The following RBL1 variants were observed in gnomAD, a reference collection of about 807,000 sequenced individuals.
RBL1 encodes the protein RB transcriptional corepressor like 1.
A neutral mutation model predicts 123.0 loss-of-function variants in RBL1; 82 were observed. That is an observed-to-expected ratio of 0.67 (90% CI 0.56 to 0.80). The LOEUF is 0.80. RBL1 is among the 30% of genes least tolerant of loss of function. The pLI, the probability that RBL1 is intolerant of heterozygous loss-of-function variation, is 0.00. For synonymous variants in RBL1, 405 were observed against 441.3 expected (o/e 0.92, Z 1.03); for missense variants, 1,171 against 1,299.6 (o/e 0.90, Z 1.52).
At chr20:37,016,717 AG>A (rs1370535533) in intron 19 of RBL1, among the ~76,000 whole-genome samples, 1 of 151,982 alleles carries the variant, frequency 6.6e-6, no homozygotes, top group Non-Finnish European at 1.5e-5. Context: ...GCTTGAGCCC[AG>A]GAGTTGGAGA....
intron 11 of RBL1, among the ~76,000 whole-genome samples, chr20:37,050,736 A>T (rs2064896508): frequency 6.6e-6 from 1 of 152,006 alleles, no homozygotes; most frequent in Admixed American, 6.6e-5. Context: ...GCAGGGCATG[A>T]ATTTCTAGAC....
chr20:37,021,420 G>A (rs1464359295), intron 17 of RBL1, among the ~76,000 whole-genome samples: 1 of 151,660 alleles, frequency 6.6e-6, no homozygotes, highest in Non-Finnish European at 1.5e-5. Flanking sequence ...CGATTAGTTA[G>A]TAACATTTAT....
intron 11 of RBL1, among the ~76,000 whole-genome samples, chr20:37,050,701 TAAC>T (rs899722128): frequency 7.3e-5 from 11 of 150,214 alleles, no homozygotes; most frequent in Middle Eastern, 3.4e-3. Flanking sequence ...ATCTAAGAAA[TAAC>T]AAAATAAAAC....
intron 2 of RBL1, among the ~76,000 whole-genome samples, chr20:37,077,426 T>C (rs935980831): frequency 2.0e-5 from 3 of 152,178 alleles, no homozygotes; most frequent in Admixed American, 6.5e-5. Context: ...CTTCATAATG[T>C]AGGTGGAACT....
At chr20:37,041,398 T>G (rs1568849638) in intron 13 of RBL1, among the ~76,000 whole-genome samples, 1 of 152,194 alleles carries the variant, frequency 6.6e-6, no homozygotes. Context: ...CTCAGCTCAC[T>G]GCAACCTCCG....
At chr20:37,074,104 CTG>C (rs953450750) in intron 2 of RBL1, among the ~76,000 whole-genome samples, 12 of 151,912 alleles carry the variant, frequency 7.9e-5, no homozygotes, top group African/African-American at 2.7e-4. Context: ...GAGCGAGACA[CTG>C]TCTCAAAATA....
chr20:37,044,616 G>C (rs1177337855), intron 12 of RBL1, among the ~76,000 whole-genome samples: 1 of 152,214 alleles, frequency 6.6e-6, no homozygotes, highest in Non-Finnish European at 1.5e-5. Flanking sequence ...TGGGACTACA[G>C]TTGTGAGCCA....
chr20:37,002,938 G>A (rs766856893), intron 21 of RBL1, among the ~76,000 whole-genome samples: 20 of 151,790 alleles, frequency 1.3e-4, no homozygotes, highest in Non-Finnish European at 2.4e-4. Flanking sequence ...TGCCCAGGCT[G>A]GTCTTGAACT....
intron 2 of RBL1, among the ~76,000 whole-genome samples, chr20:37,072,809 A>G (rs2065303162): frequency 6.6e-6 from 1 of 152,196 alleles, no homozygotes; most frequent in South Asian, 2.1e-4. Context: ...TGTCCCTGCT[A>G]GATGGATTCT....
intron 15 of RBL1, among the ~76,000 whole-genome samples, chr20:37,034,053 C>T (rs1412949103): frequency 2.0e-5 from 3 of 151,986 alleles, no homozygotes; most frequent in Admixed American, 6.6e-5. Flanking sequence ...ATTCTCCTGC[C>T]TCAGCCTCCT....
In RBL1 at chr20:37,047,193, G is replaced by T. The variant is rs1225558510; in HGVS notation, c.1468-3C>A. 1.3e-6 allele frequency: 2 copies of T among 1,578,812 alleles called. No individual in the cohort carries two copies. The highest frequency in any genetic ancestry group is 2.1e-5 in the Admixed American group (1 of 47,894). On this transcript the variant is annotated splice_polypyrimidine_tract_variant and splice_region_variant and intron_variant, in intron 11 of 21. Coordinates refer to ENST00000373664, the MANE Select transcript of RBL1 (RefSeq NM_002895.5). The stretch of plus-strand genomic sequence containing the variant: ...AATATATCTTGCTCTAAAAGAACCT[G>T]GGGGAAGAGAAAGACCACAGTTTAA...
chr20:37,016,845 C>T (rs1413926603), intron 19 of RBL1, among the ~76,000 whole-genome samples: 1 of 149,484 alleles, frequency 6.7e-6, no homozygotes, highest in Non-Finnish European at 1.5e-5. Context: ...GATTGTGCCA[C>T]TGCATGCCTG....
At chr20:37,000,397 G>A (rs375772624) in intron 21 of RBL1, among the ~76,000 whole-genome samples, 5,888 of 119,376 alleles carry the variant, frequency 0.049, 164 homozygotes, top group South Asian at 0.16. Flanking sequence ...CCGGCCAGCC[G>A]CCCCATCCAG....
At chr20:37,003,905 TTTTC>T (rs1489553443) in intron 20 of RBL1, 39 bp from the exon 21 acceptor site, 9 of 1,529,366 alleles carry the variant, frequency 5.9e-6, no homozygotes, top group South Asian at 3.8e-5. Context: ...AGATAAAAGT[TTTTC>T]TTTGTTTTTG....
At chr20:37,049,464 T>A in intron 11 of RBL1, 1 of 754,718 alleles carries the variant, frequency 1.3e-6, no homozygotes, top group South Asian at 1.4e-5. Context: ...TGAGACTTCA[T>A]GGTGGTGCTA....
rs2065189217 is a variant in RBL1, at chr20:37,067,063, G to A, written c.615C>T (p.Cys205=). The change falls in exon 5 of 22, where the codon TGC becomes TGT. Residue 205 remains cysteine (C), a synonymous_variant. Transcript: ENST00000373664. The part of the protein sequence containing the change: ...LVNSYHLLLC[C]LDLIFANAIM... Reference sequence around the variant, plus strand: ...TCGCATTGGCAAAAATCAGATCCAAGCAGCATAGAAGTAAATGATAAGAGT... The same window carrying A: ...TCGCATTGGCAAAAATCAGATCCAAACAGCATAGAAGTAAATGATAAGAGT... The A allele has an allele frequency of 6.2e-7, 1 of 1,610,146 alleles. No homozygotes were observed. The highest frequency in any genetic ancestry group is 1.7e-5 in the Admixed American group (1 of 59,662).
intron 9 of RBL1, among the ~76,000 whole-genome samples, chr20:37,057,015 ACCTACCTACC>A (rs2065022171): frequency 1.6e-5 from 2 of 124,966 alleles, no homozygotes; most frequent in African/African-American, 6.6e-5. Flanking sequence ...CTACCTACCT[ACCTACCTACC>A]TACCTACCTA....
chr20:37,018,397 A>G lies in RBL1; in HGVS notation c.2632-28T>C, dbSNP rs147816677. 701 of 1,586,518 alleles carry G rather than the reference A, an allele frequency of 4.4e-4. 2 individuals carry two copies. The African/African-American group carries it at 8.4e-3, about 19-fold the overall frequency. ...ACATGCCAGAGGGGAAGAAAAGGAC[A>G]GCTCAGTCACAGAGGTACAGGTTAA... On this transcript the variant is annotated intron_variant, in intron 18 of 21. Transcript: ENST00000373664.
intron 13 of RBL1, among the ~76,000 whole-genome samples, chr20:37,042,895 TCC>T (rs1460405316): frequency 2.2e-5 from 1 of 46,070 alleles, no homozygotes; most frequent in African/African-American, 9.6e-5. Flanking sequence ...TGAGATCTTG[TCC>T]CCCCCCCTCC....
Sources: allele counts gnomAD v4.1 joint callset (sites outside exome capture counted in the v4.1 genomes callset), GRCh38; gene constraint gnomAD v4.1.1; transcripts MANE v1.5; gene names NCBI Gene and HGNC (gene_info 2026-07-23, HGNC 2026-07-21).